Variants in PPP3CA observed in about 807,000 individuals in gnomAD.
The protein encoded by PPP3CA is CAM-PRP catalytic subunit.
In PPP3CA, 14 loss-of-function variants were observed where a neutral mutation model predicts 66.5. That is an observed-to-expected ratio of 0.21 (90% CI 0.14 to 0.33). The LOEUF (loss-of-function observed/expected upper bound fraction) is 0.33. Ranked by LOEUF, PPP3CA falls within the 10% of genes least tolerant of loss-of-function variation. PPP3CA has a pLI of 1.00. For missense variants in PPP3CA, 317 were observed against 639.5 expected, an observed-to-expected ratio of 0.50 and a Z score of 5.44; for synonymous variants, 232 against 226.2, an observed-to-expected ratio of 1.03 and a Z score of -0.23.
chr4:101,063,476 C>T, intron 8 of PPP3CA, 119 bp from the exon 9 acceptor site: 3 of 1,161,158 alleles, frequency 2.6e-6, no homozygotes, highest in Non-Finnish European at 2.4e-6. Flanking sequence ...TCCAGGCTCA[C>T]ACCTTAGGCA....
At chr4:101,197,909 T>C (rs548932751) in intron 1 of PPP3CA, among the ~76,000 whole-genome samples, 1 of 152,244 alleles carries the variant, frequency 6.6e-6, no homozygotes, top group East Asian at 1.9e-4. Context: ...CTACATTACT[T>C]CCCAGAAAGT....
In PPP3CA at chr4:101,040,480, A is replaced by G; in HGVS notation, c.1241+2T>C. 6.2e-7 allele frequency: 1 copy of G among 1,602,122 alleles called. No individual in the cohort carries two copies. Among genetic ancestry groups the G allele is most frequent in the Non-Finnish European group, 8.5e-7 (1 of 1,173,816 alleles). On this transcript the variant is annotated splice_donor_variant, in intron 11 of 13. Coordinates refer to ENST00000394854, the MANE Select transcript of PPP3CA (RefSeq NM_000944.5). LOFTEE classifies it high-confidence loss of function. ...ACAAAAACAGAGTACGAATGCACCC[A>G]CCTGAGCACTGAGAACACTCTGGCC... is the stretch of plus-strand genomic sequence containing the variant.
chr4:101,229,894 T>G, intron 1 of PPP3CA, among the ~76,000 whole-genome samples: 2 of 151,038 alleles, frequency 1.3e-5, no homozygotes, highest in South Asian at 2.1e-4. Flanking sequence ...ACGAAAAAAA[T>G]TGGGAAAGGA....
At chr4:101,120,439 T>C (rs1023227686) in intron 2 of PPP3CA, among the ~76,000 whole-genome samples, 1 of 152,086 alleles carries the variant, frequency 6.6e-6, no homozygotes, top group Non-Finnish European at 1.5e-5. Context: ...TGGAAACTCC[T>C]ACGGGTTTAG....
At chr4:101,223,837 A>G (rs1205300358) in intron 1 of PPP3CA, among the ~76,000 whole-genome samples, 5 of 151,964 alleles carry the variant, frequency 3.3e-5, no homozygotes, top group African/African-American at 4.8e-5. Context: ...TTCAACAGGC[A>G]AAAAATAGAG....
chr4:101,189,800 A>G lies in PPP3CA; in HGVS notation c.259+6116T>C, dbSNP rs545982281. On this transcript the variant is annotated intron_variant, in intron 2 of 13. Coordinates refer to ENST00000394854, the MANE Select transcript of PPP3CA (RefSeq NM_000944.5). ...TAAAAAATTATGATCTACTGTCACC[A>G]TAGTGTCATACACAAAAAGAAAGCA... 3.9e-5 allele frequency among the ~76,000 whole-genome samples: 6 copies of G among 152,142 alleles called. No homozygotes were observed. The East Asian group carries it at 1.2e-3, about 29-fold the overall frequency.
chr4:101,032,636 AC>A (rs1167340290), intron 11 of PPP3CA, among the ~76,000 whole-genome samples: 1 of 152,156 alleles, frequency 6.6e-6, no homozygotes, highest in African/African-American at 2.4e-5. Flanking sequence ...GATAAAGAAA[AC>A]CATTTTGATT....
intron 2 of PPP3CA, among the ~76,000 whole-genome samples, chr4:101,152,335 T>C (rs1013890656): frequency 2.0e-5 from 3 of 152,274 alleles, no homozygotes; most frequent in Middle Eastern, 3.4e-3. Context: ...TAAGAGTAAT[T>C]GAGAATAACT....
chr4:101,167,276 T>C (rs1723722256), intron 2 of PPP3CA, among the ~76,000 whole-genome samples: 1 of 152,154 alleles, frequency 6.6e-6, no homozygotes, highest in African/African-American at 2.4e-5. Context: ...ACAAATTGCT[T>C]CTGGATGCAT....
At position 101,120,250 on chromosome 4, in the gene PPP3CA, A is replaced by T. The variant is rs370502484; in HGVS notation, c.260-11172T>A. The stretch of plus-strand genomic sequence containing the variant: ...ATGAAATATTTACTAAATATTCTGT[A>T]TTAAAAGATGAATAAACACTGAAGA... On this transcript the variant is annotated intron_variant, in intron 2 of 13. Coordinates refer to ENST00000394854, the MANE Select transcript of PPP3CA (RefSeq NM_000944.5). 2.6e-5 allele frequency among the ~76,000 whole-genome samples: 4 copies of T among 152,136 alleles called. No homozygotes were observed. The South Asian group carries it at 8.3e-4, about 31-fold the overall frequency.
chr4:101,167,270 A>C (rs1265324721), intron 2 of PPP3CA, among the ~76,000 whole-genome samples: 1 of 152,118 alleles, frequency 6.6e-6, no homozygotes, highest in Non-Finnish European at 1.5e-5. Flanking sequence ...TTAAGAACAA[A>C]TTGCTTCTGG....
intron 3 of PPP3CA, among the ~76,000 whole-genome samples, 196 bp from the exon 4 acceptor site, chr4:101,099,918 C>G (rs944153453): frequency 6.6e-6 from 1 of 151,782 alleles, no homozygotes; most frequent in African/African-American, 2.4e-5. Flanking sequence ...GGTCCATCTA[C>G]ACCTAAAACA....
intron 1 of PPP3CA, among the ~76,000 whole-genome samples, chr4:101,345,786 G>C (rs572700043): frequency 6.6e-6 from 1 of 152,302 alleles, no homozygotes; most frequent in African/African-American, 2.4e-5. Flanking sequence ...CTTGCCAGGA[G>C]TTTATCATCC....
chr4:101,220,830 T>A (rs1167583608), intron 1 of PPP3CA, among the ~76,000 whole-genome samples: 1 of 151,626 alleles, frequency 6.6e-6, no homozygotes, highest in Non-Finnish European at 1.5e-5. Context: ...GCCTCCAAGT[T>A]TGCATTATAA....
intron 1 of PPP3CA, among the ~76,000 whole-genome samples, chr4:101,256,204 TA>T (rs767061245): frequency 0.35 from 52,789 of 151,726 alleles, 10,264 homozygotes; most frequent in East Asian, 0.67. Flanking sequence ...AAAAATGCTA[TA>T]TTAGTTTGCT....
At chr4:101,097,015 C>G (rs1730226084) in intron 5 of PPP3CA, among the ~76,000 whole-genome samples, 1 of 152,072 alleles carries the variant, frequency 6.6e-6, no homozygotes, top group Non-Finnish European at 1.5e-5. Flanking sequence ...ATGAATGCCC[C>G]TAATGATAAG....
At position 101,025,674 on chromosome 4, in the gene PPP3CA, A is replaced by G; in HGVS notation, c.*191T>C. The stretch of plus-strand genomic sequence containing the variant: ...GAGGTGTTTAATCACCATCCCCACC[A>G]AAATATAGTTTATTATCTCTCTCCC... On this transcript the variant is annotated 3_prime_UTR_variant, in exon 14 of 14. Coordinates refer to ENST00000394854, the MANE Select transcript of PPP3CA (RefSeq NM_000944.5). 4.1e-6 allele frequency: 2 copies of G among 483,044 alleles called. No homozygotes were observed. Among genetic ancestry groups the G allele is most frequent in the Non-Finnish European group, 3.5e-6 (1 of 282,536 alleles). 29.9% of individuals were successfully genotyped at this position (483,044 alleles called of 1,614,324 possible). A position where few individuals can be genotyped will look rare whatever the true frequency, so the allele number is the denominator to read the frequency against.
At position 101,080,689 on chromosome 4, in the gene PPP3CA, G is replaced by T. The variant is rs1729397478; in HGVS notation, c.861-63C>A. 3 of 1,015,246 alleles carry T rather than the reference G, an allele frequency of 3.0e-6. No individual in the cohort carries two copies. The South Asian group carries it at 7.9e-5, about 27-fold the overall frequency. The allele number at this position is 1,015,246 out of a possible 1,614,324, so 62.9% of individuals were successfully genotyped here. A position where few individuals can be genotyped will look rare whatever the true frequency, so the allele number is the denominator to read the frequency against. On this transcript the variant is annotated intron_variant, in intron 7 of 13. Coordinates refer to ENST00000394854, the MANE Select transcript of PPP3CA (RefSeq NM_000944.5). ...GGAAAAAAGATAATATCAAATCATA[G>T]ATTGAGAAATAGAAAATTAGATGAG...
intron 1 of PPP3CA, among the ~76,000 whole-genome samples, chr4:101,289,194 G>C (rs543567332): frequency 1.3e-5 from 2 of 152,030 alleles, no homozygotes; most frequent in African/African-American, 4.8e-5. Context: ...GATAAAATTT[G>C]CATTTTATTT....
Sources: gnomAD v4.1 joint callset for allele counts (sites outside exome capture counted in the v4.1 genomes callset) on GRCh38, gnomAD v4.1.1 for gene constraint, MANE v1.5 for transcripts, NCBI Gene and HGNC (gene_info 2026-07-23, HGNC 2026-07-21) for gene names.